Variants in AGK observed in about 807,000 individuals in gnomAD.
The protein encoded by AGK is acylglycerol kinase.
In AGK, 52 loss-of-function variants were observed where a neutral mutation model predicts 66.4. That is an observed-to-expected ratio of 0.78 (90% CI 0.63 to 0.99). The LOEUF is 0.99. AGK is among the 50% of genes least tolerant of loss of function. The pLI, the probability that AGK is intolerant of heterozygous loss-of-function variation, is 0.00. For synonymous variants in AGK, 182 were observed against 181.1 expected (o/e 1.00, Z -0.04); for missense variants, 451 against 506.6 (o/e 0.89, Z 1.05).
chr7:141,556,547 A>AT (rs1277664499), intron 2 of AGK, among the ~76,000 whole-genome samples: 1 of 151,952 alleles, frequency 6.6e-6, no homozygotes, highest in African/African-American at 2.4e-5. Context: ...TCTCAAAAAA[A>AT]AAAAAAAAAA....
At chr7:141,559,200 T>G (rs1011109138) in intron 2 of AGK, among the ~76,000 whole-genome samples, 7 of 152,204 alleles carry the variant, frequency 4.6e-5, no homozygotes, top group Non-Finnish European at 8.8e-5. Context: ...CTAAATCCAG[T>G]GTCATGAAGC....
At chr7:141,636,871 T>C (rs1364152912) in intron 10 of AGK, 89 bp from the exon 11 acceptor site, 1 of 1,078,544 alleles carries the variant, frequency 9.3e-7, no homozygotes, top group East Asian at 2.4e-5. Context: ...AGAGATGTAA[T>C]TCTAATGTAT....
At chr7:141,584,668 G>A (rs750876052) in intron 2 of AGK, among the ~76,000 whole-genome samples, 2 of 152,162 alleles carry the variant, frequency 1.3e-5, no homozygotes, top group Non-Finnish European at 2.9e-5. Context: ...AACACAAGTT[G>A]GTGTAGTTTT....
chr7:141,617,343 T>G (rs1796729372), intron 8 of AGK, among the ~76,000 whole-genome samples: 1 of 152,194 alleles, frequency 6.6e-6, no homozygotes, highest in Admixed American at 6.5e-5. Flanking sequence ...GATTTTCTCT[T>G]GTAGTTAAAC....
At chr7:141,557,333 G>A (rs1438683359) in intron 2 of AGK, among the ~76,000 whole-genome samples, 1 of 152,210 alleles carries the variant, frequency 6.6e-6, no homozygotes, top group African/African-American at 2.4e-5. Context: ...GACATAAGAA[G>A]CTTAAAATTT....
intron 8 of AGK, among the ~76,000 whole-genome samples, chr7:141,620,390 G>T (rs1368626420): frequency 6.6e-6 from 1 of 152,152 alleles, no homozygotes; most frequent in Non-Finnish European, 1.5e-5. Flanking sequence ...AGTTCCACAT[G>T]TAAGGAGCTT....
At position 141,611,111 on chromosome 7, in the gene AGK, T is replaced by G. The variant is rs973081716; in HGVS notation, c.298-84T>G. 3.0e-5 allele frequency: 24 copies of G among 807,756 alleles called. No homozygotes were observed. The African/African-American group carries it at 4.2e-4, about 14-fold the overall frequency. 50.0% of individuals were successfully genotyped at this position (807,756 alleles called of 1,614,324 possible). ...TACGAAGACAGTCAATGTAAAACTT[T>G]AAAGAAGATATCCCACATTTTTAAA... On this transcript the variant is annotated intron_variant, in intron 5 of 15. Transcript: ENST00000649286.
In AGK at chr7:141,602,174, TG is replaced by T. The variant is rs369360376; in HGVS notation, c.297+895del. 4.1e-4 allele frequency among the ~76,000 whole-genome samples: 23 copies of T among 56,654 alleles called. No homozygotes were observed. The East Asian group carries it at 6.1e-3, about 15-fold the overall frequency. The allele number at this position is 56,654 out of a possible 152,430, so 37.2% of individuals were successfully genotyped here. On this transcript the variant is annotated intron_variant, in intron 5 of 15. Transcript: ENST00000649286. ...AGCTTTCCTTGAGGGGAGATTTTCT[TG>T]TGTGTGTGTGTGTGTGTGTGTGTGT...
chr7:141,631,247 A>T (rs1797049110), intron 9 of AGK, among the ~76,000 whole-genome samples: 2 of 152,186 alleles, frequency 1.3e-5, no homozygotes, highest in South Asian at 4.1e-4. Flanking sequence ...TTATACACTC[A>T]TAGGAGATAA....
At chr7:141,590,919 A>C (rs1404508909) in intron 2 of AGK, among the ~76,000 whole-genome samples, 1 of 152,064 alleles carries the variant, frequency 6.6e-6, no homozygotes, top group Non-Finnish European at 1.5e-5. Flanking sequence ...GCTCTTTGCC[A>C]CCTGGGCACA....
At chr7:141,602,667 A>C (rs1251497400) in intron 5 of AGK, among the ~76,000 whole-genome samples, 1 of 151,696 alleles carries the variant, frequency 6.6e-6, no homozygotes, top group Admixed American at 6.6e-5. Context: ...TATATGTTTC[A>C]TTCATTTCTG....
At chr7:141,641,442 T>C (rs771436668) in intron 12 of AGK, 44 bp downstream of exon 12, 1 of 1,578,670 alleles carries the variant, frequency 6.3e-7, no homozygotes. Flanking sequence ...CTGGTCAGTT[T>C]AGAAGTGCCC....
chr7:141,554,012 C>T (rs1795155888), intron 1 of AGK, among the ~76,000 whole-genome samples: 1 of 151,954 alleles, frequency 6.6e-6, no homozygotes, highest in Non-Finnish European at 1.5e-5. Context: ...AAACATCACC[C>T]ACCATTCCAC....
rs190408541 is a variant in AGK, at chr7:141,582,957, A to T, written c.102-10189A>T. Among the ~76,000 whole-genome samples the T allele has an allele frequency of 1.6e-3, 236 of 151,868 alleles. 2 individuals carry two copies. Among genetic ancestry groups the T allele is most frequent in the African/African-American group, 5.5e-3 (227 of 41,238 alleles). ...AGACTCAGCAATACTTGGGGTTGGG[A>T]CTGAGGGGACAGGCAGGAGGGAAAG... On this transcript the variant is annotated intron_variant, in intron 2 of 15. Transcript: ENST00000649286.
chr7:141,626,091 A>T (rs916008476), intron 9 of AGK, among the ~76,000 whole-genome samples: 15 of 152,226 alleles, frequency 9.9e-5, no homozygotes, highest in Admixed American at 2.6e-4. Context: ...CATTCCCAAT[A>T]AAAATAGCCA....
At chr7:141,570,443 G>A (rs1156249385) in intron 2 of AGK, among the ~76,000 whole-genome samples, 1 of 152,106 alleles carries the variant, frequency 6.6e-6, no homozygotes, top group East Asian at 1.9e-4. Flanking sequence ...GCTATGTTCT[G>A]TTCGAGGGGT....
chr7:141,641,390 C>A lies in AGK; in HGVS notation c.869C>A (p.Pro290Gln), dbSNP rs1797285488. 6.2e-7 allele frequency: 1 copy of A among 1,611,312 alleles called. No homozygotes were observed. The highest frequency in any genetic ancestry group is 8.5e-7 in the Non-Finnish European group (1 of 1,179,114). Residue 290 changes from proline (P) to glutamine (Q), a missense_variant, in exon 12 of 16, where the codon CCA (proline) becomes CAA (glutamine). Pro to Gln is a moderately conservative substitution (Grantham distance 76). Transcript: ENST00000649286. ...AGGCTTGCGTCCTACTGGGCACAAC[C>A]ACAGGATGGTGAGCAATGTGGCGAC... ...LRRLASYWAQ[P>Q]QDALSQEVSP...
chr7:141,565,004 G>A (rs546700291), intron 2 of AGK, among the ~76,000 whole-genome samples: 1 of 152,212 alleles, frequency 6.6e-6, no homozygotes, highest in East Asian at 1.9e-4. Context: ...CGGGATTAAG[G>A]TGTGAGCCAC....
chr7:141,590,358 G>A (rs1209602456), intron 2 of AGK, among the ~76,000 whole-genome samples: 1 of 152,150 alleles, frequency 6.6e-6, no homozygotes, highest in African/African-American at 2.4e-5. Context: ...AGCATAGAGG[G>A]CTTGTGCAGA....
Sources: gnomAD v4.1 joint callset for allele counts (sites outside exome capture counted in the v4.1 genomes callset) on GRCh38, gnomAD v4.1.1 for gene constraint, MANE v1.5 for transcripts, NCBI Gene and HGNC (gene_info 2026-07-23, HGNC 2026-07-21) for gene names.